The following ASTN2 variants were observed in gnomAD, a reference collection of about 807,000 sequenced individuals.
ASTN2 encodes astrotactin 2.
Under a neutral mutation model 139.8 loss-of-function variants are expected in ASTN2, and 54 were observed. The ratio of observed to expected loss-of-function variants is 0.39; its 90% CI spans 0.31 to 0.48. The LOEUF (loss-of-function observed/expected upper bound fraction) is 0.48, where lower values mean the gene tolerates loss of function less well. ASTN2 is among the 20% of genes least tolerant of loss of function. ASTN2 has a pLI of 0.95. For synonymous variants in ASTN2, 756 were observed against 719.5 expected (o/e 1.05, Z -0.81); for missense variants, 1,565 against 1,725.1 (o/e 0.91, Z 1.64).
intron 1 of ASTN2, among the ~76,000 whole-genome samples, chr9:117,320,906 G>A (rs1439370976): frequency 6.6e-6 from 1 of 152,182 alleles, no homozygotes; most frequent in East Asian, 1.9e-4. Context: ...GGAAGTCTTG[G>A]AATTAAAATG....
chr9:117,074,801 G>C (rs1404594021), intron 5 of ASTN2, among the ~76,000 whole-genome samples: 1 of 152,136 alleles, frequency 6.6e-6, no homozygotes, highest in Non-Finnish European at 1.5e-5. Context: ...GTATATGCAT[G>C]CATGTGTATA....
intron 19 of ASTN2, among the ~76,000 whole-genome samples, chr9:116,596,132 A>G (rs1854564545): frequency 6.6e-6 from 1 of 152,194 alleles, no homozygotes; most frequent in Non-Finnish European, 1.5e-5. Context: ...TTGAAATGAC[A>G]TGAATGAACC....
At chr9:117,379,977 T>C (rs1256238531) in intron 1 of ASTN2, among the ~76,000 whole-genome samples, 2 of 152,082 alleles carry the variant, frequency 1.3e-5, no homozygotes, top group African/African-American at 4.8e-5. Flanking sequence ...CTGTAGAAGA[T>C]GGATAAGAAG....
chr9:117,101,920 C>T lies in ASTN2; in HGVS notation c.1169-5769G>A, dbSNP rs143735906. Among the ~76,000 whole-genome samples the T allele has an allele frequency of 3.3e-5, 5 of 152,306 alleles. No individual in the cohort carries two copies. The East Asian group carries it at 7.7e-4, about 24-fold the overall frequency. On this transcript the variant is annotated intron_variant, in intron 4 of 22. Coordinates refer to ENST00000313400, the MANE Select transcript of ASTN2 (RefSeq NM_001365068.1). ...TTGTGGAGACGTTGGAACCCTCATA[C>T]ATTGCTGCTGGATATGCAAAATGGT... is the stretch of plus-strand genomic sequence containing the variant.
At chr9:116,986,999 A>G (rs1286025924) in intron 7 of ASTN2, among the ~76,000 whole-genome samples, 1 of 152,180 alleles carries the variant, frequency 6.6e-6, no homozygotes, top group African/African-American at 2.4e-5. Flanking sequence ...TTCTGCAGGT[A>G]TGAAGAAGCA....
intron 4 of ASTN2, among the ~76,000 whole-genome samples, chr9:117,110,913 G>A (rs1829232935): frequency 6.6e-6 from 1 of 152,154 alleles, no homozygotes; most frequent in Non-Finnish European, 1.5e-5. Flanking sequence ...GAAAAGGAGA[G>A]ACTCAGAGAA....
intron 6 of ASTN2, among the ~76,000 whole-genome samples, chr9:117,017,386 C>T (rs1837745017): frequency 6.6e-6 from 1 of 152,082 alleles, no homozygotes; most frequent in Non-Finnish European, 1.5e-5. Flanking sequence ...CTCCCCAAAC[C>T]CAAAGGTGAT....
At chr9:117,238,782 T>C (rs1362754935) in intron 2 of ASTN2, among the ~76,000 whole-genome samples, 1 of 152,126 alleles carries the variant, frequency 6.6e-6, no homozygotes, top group African/African-American at 2.4e-5. Flanking sequence ...GCTATAAAGA[T>C]TAAGTTGGCT....
At chr9:116,960,107 G>A (rs1835834305) in intron 10 of ASTN2, among the ~76,000 whole-genome samples, 1 of 152,058 alleles carries the variant, frequency 6.6e-6, no homozygotes, top group African/African-American at 2.4e-5. Flanking sequence ...GGTGTCTCTG[G>A]CTCACTTTGG....
intron 13 of ASTN2, among the ~76,000 whole-genome samples, chr9:116,743,139 AG>A (rs1829138663): frequency 6.6e-6 from 1 of 152,146 alleles, no homozygotes; most frequent in African/African-American, 2.4e-5. Flanking sequence ...CTGTTTGGTA[AG>A]GGGGAGAGGC....
At position 116,958,454 on chromosome 9, in the gene ASTN2, C is replaced by T. The variant is rs181566831; in HGVS notation, c.1889+16754G>A. Among the ~76,000 whole-genome samples, 440 of 152,026 alleles carry T rather than the reference C, an allele frequency of 2.9e-3. 3 individuals are homozygous for T. The highest frequency in any genetic ancestry group is 1.0e-2 in the African/African-American group (414 of 41,482). ...AAATAGAAAAATTAGCCGGGCGTGG[C>T]GGCGGGTGCCTGTAGTCCCAGCTAC... On this transcript the variant is annotated intron_variant, in intron 10 of 22. Transcript: ENST00000313400.
intron 1 of ASTN2, among the ~76,000 whole-genome samples, chr9:117,331,812 C>A (rs1386237781): frequency 6.6e-6 from 1 of 152,168 alleles, no homozygotes; most frequent in Non-Finnish European, 1.5e-5. Context: ...ACTGCAAAAA[C>A]ACTTAGGGAG....
intron 1 of ASTN2, among the ~76,000 whole-genome samples, chr9:117,387,646 G>A (rs1309499593): frequency 2.0e-5 from 3 of 152,124 alleles, no homozygotes; most frequent in Non-Finnish European, 4.4e-5. Context: ...AGGGAGAATG[G>A]CAGGATACGA....
At chr9:116,700,795 T>C (rs1435381100) in intron 16 of ASTN2, 1 of 166,986 alleles carries the variant, frequency 6.0e-6, no homozygotes, top group Non-Finnish European at 1.5e-5. Context: ...ATTTTGGAGA[T>C]GATAAGAGGG....
At chr9:117,412,958 G>C (rs944368054) in intron 1 of ASTN2, among the ~76,000 whole-genome samples, 2 of 152,136 alleles carry the variant, frequency 1.3e-5, no homozygotes, top group Admixed American at 6.5e-5. Context: ...GTGTGTGTCT[G>C]TGTGTGTGTG....
intron 4 of ASTN2, among the ~76,000 whole-genome samples, chr9:117,101,568 C>T (rs1421837777): frequency 6.6e-6 from 1 of 152,124 alleles, no homozygotes; most frequent in Non-Finnish European, 1.5e-5. Flanking sequence ...TAAACACATG[C>T]CACGGTGTGA....
Position 116,699,119 on chromosome 9 carries a change from C to A in ASTN2, c.2806+26652G>T, listed in dbSNP as rs1343872931. The A allele has an allele frequency of 6.2e-7, 1 of 1,614,054 alleles. No homozygotes were observed. Among genetic ancestry groups the A allele is most frequent in the Admixed American group, 1.7e-5 (1 of 59,976 alleles). On this transcript the variant is annotated intron_variant, in intron 16 of 22. Coordinates refer to ENST00000313400, the MANE Select transcript of ASTN2 (RefSeq NM_001365068.1). The surrounding 1 kb of genome is among the most constrained non-coding windows in gnomAD (Gnocchi z 4.2). Reference sequence around the variant, plus strand: ...CCCTCAAGGTATATACCTTGGATGGCCACTGCGTGGCCTGTCACAGGAGCC... The same window carrying A: ...CCCTCAAGGTATATACCTTGGATGGACACTGCGTGGCCTGTCACAGGAGCC...
intron 19 of ASTN2, among the ~76,000 whole-genome samples, chr9:116,525,521 C>T (rs1431147782): frequency 1.3e-5 from 2 of 152,126 alleles, no homozygotes; most frequent in Non-Finnish European, 2.9e-5. Context: ...CCCTTTTTGG[C>T]CACTGTCATA....
intron 13 of ASTN2, among the ~76,000 whole-genome samples, chr9:116,768,351 C>T (rs910569423): frequency 3.5e-4 from 54 of 152,132 alleles, no homozygotes; most frequent in Admixed American, 3.5e-3. Context: ...CTCTGAGTAG[C>T]CTATGACACA....
Sources: allele counts gnomAD v4.1 joint callset (sites outside exome capture counted in the v4.1 genomes callset), GRCh38; gene constraint gnomAD v4.1.1; non-coding constraint Gnocchi (gnomAD v3.1); transcripts MANE v1.5; gene names NCBI Gene and HGNC (gene_info 2026-07-23, HGNC 2026-07-21).